Variants in GASK1B observed in about 807,000 individuals in gnomAD.
The protein encoded by GASK1B is golgi associated kinase 1B, also known as Golgi-associated kinase 1B.
A neutral mutation model predicts 42.8 loss-of-function variants in GASK1B; 34 were observed. The ratio of observed to expected loss-of-function variants is 0.79; its 90% CI spans 0.60 to 1.06. The LOEUF is 1.06. GASK1B is among the 50% of genes least tolerant of loss of function. The pLI, the probability that GASK1B is intolerant of heterozygous loss-of-function variation, is 0.00. For synonymous variants in GASK1B, 262 were observed against 259.1 expected (o/e 1.01, Z -0.11); for missense variants, 686 against 661.0 (o/e 1.04, Z -0.42).
chr4:158,143,294 G>A (rs972057472), intron 3 of GASK1B, among the ~76,000 whole-genome samples: 8 of 152,112 alleles, frequency 5.3e-5, no homozygotes, highest in African/African-American at 1.2e-4. Flanking sequence ...ATAATATCCC[G>A]TCTTCTTTTG....
At chr4:158,145,681 G>T (rs1246199013) in intron 3 of GASK1B, among the ~76,000 whole-genome samples, 1 of 151,978 alleles carries the variant, frequency 6.6e-6, no homozygotes, top group Non-Finnish European at 1.5e-5. Flanking sequence ...GCTATATTCT[G>T]CTGTGATTAT....
intron 3 of GASK1B, among the ~76,000 whole-genome samples, chr4:158,142,195 C>G (rs1257792810): frequency 2.0e-5 from 3 of 151,510 alleles, no homozygotes; most frequent in African/African-American, 7.3e-5. Flanking sequence ...CCACCCGCCT[C>G]GGCCTCCCAA....
intron 3 of GASK1B, among the ~76,000 whole-genome samples, chr4:158,140,228 C>T (rs1731062277): frequency 6.6e-6 from 1 of 152,142 alleles, no homozygotes; most frequent in African/African-American, 2.4e-5. Context: ...GAAAGGCACA[C>T]AAAAACCATG....
chr4:158,149,452 G>A (rs542753218), intron 3 of GASK1B, among the ~76,000 whole-genome samples: 29 of 152,220 alleles, frequency 1.9e-4, no homozygotes, highest in Middle Eastern at 3.4e-3. Flanking sequence ...GACAGGTTCA[G>A]AATTAAAATA....
intron 3 of GASK1B, among the ~76,000 whole-genome samples, chr4:158,141,332 G>T (rs1731107564): frequency 6.6e-6 from 1 of 151,810 alleles, no homozygotes; most frequent in Non-Finnish European, 1.5e-5. Context: ...TAGCTTATGA[G>T]ATACTGGGCC....
intron 3 of GASK1B, among the ~76,000 whole-genome samples, chr4:158,131,440 T>C (rs1329732359): frequency 6.6e-6 from 1 of 152,182 alleles, no homozygotes; most frequent in Non-Finnish European, 1.5e-5. Flanking sequence ...CCACAAAAAG[T>C]TTATTGCATC....
chr4:158,126,625 T>G lies in GASK1B; in HGVS notation c.*782A>C, dbSNP rs190467402. The G allele has an allele frequency of 7.0e-4, 106 of 152,248 alleles. No individual in the cohort carries two copies. Among genetic ancestry groups the G allele is most frequent in the African/African-American group, 2.5e-3 (105 of 41,568 alleles). 9.4% of individuals were successfully genotyped at this position (152,248 alleles called of 1,614,324 possible). On this transcript the variant is annotated 3_prime_UTR_variant, in exon 5 of 5. Coordinates refer to ENST00000585682, the MANE Select transcript of GASK1B (RefSeq NM_001128424.2). ...TAAAATGATACTCTGTAAGTACATT[T>G]TCAGATAGGTAACTTCATACTTTAG... is the stretch of plus-strand genomic sequence containing the variant.
At chr4:158,131,643 T>C (rs1200982945) in intron 3 of GASK1B, among the ~76,000 whole-genome samples, 2 of 152,318 alleles carry the variant, frequency 1.3e-5, no homozygotes, top group African/African-American at 4.8e-5. Flanking sequence ...TACCACCCTA[T>C]AGAAGAGGGT....
chr4:158,170,201 T>C, intron 2 of GASK1B: 1 of 1,599,454 alleles, frequency 6.3e-7, no homozygotes, highest in Non-Finnish European at 8.5e-7. Context: ...CACTGGGAAG[T>C]GAAGCGAGGG....
chr4:158,170,319 G>T (rs1560795627), intron 2 of GASK1B, 147 bp downstream of exon 2: 1 of 1,614,242 alleles, frequency 6.2e-7, no homozygotes, highest in Non-Finnish European at 8.5e-7. Context: ...AGAATGCCAA[G>T]CGCATGGAAA....
chr4:158,125,296 G>A lies in GASK1B; in HGVS notation c.*2111C>T, dbSNP rs530008960. 4.6e-5 allele frequency: 7 copies of A among 152,254 alleles called. No individual in the cohort carries two copies. The highest frequency in any genetic ancestry group is 1.4e-4 in the African/African-American group (6 of 41,558). 9.4% of individuals were successfully genotyped at this position (152,254 alleles called of 1,614,324 possible). A position where few individuals can be genotyped will look rare whatever the true frequency, so the allele number is the denominator to read the frequency against. ...CAAATAAACAAAGTTAAACCCTCAC[G>A]TGGGAAGACCAGGCTGCCCAACAGC... is the stretch of plus-strand genomic sequence containing the variant. On this transcript the variant is annotated 3_prime_UTR_variant, in exon 5 of 5. Coordinates refer to ENST00000585682, the MANE Select transcript of GASK1B (RefSeq NM_001128424.2).
chr4:158,169,102 A>C (rs1732348305), intron 2 of GASK1B: 1 of 152,176 alleles, frequency 6.6e-6, no homozygotes, highest in Non-Finnish European at 1.5e-5. Context: ...CAATTTTCTC[A>C]TCTACTAAAT....
At chr4:158,167,858 C>T (rs1433608826) in intron 2 of GASK1B, among the ~76,000 whole-genome samples, 1 of 152,066 alleles carries the variant, frequency 6.6e-6, no homozygotes, top group African/African-American at 2.4e-5. Context: ...AATAGCAGTG[C>T]CCTAGAAGAA....
Position 158,130,857 on chromosome 4 carries a change from A to G in GASK1B, c.1281T>C (p.Phe427=). Residue 427 remains phenylalanine, a synonymous_variant, in exon 4 of 5, where the codon TTT becomes TTC. Coordinates refer to ENST00000585682, the MANE Select transcript of GASK1B (RefSeq NM_001128424.2). ...TGTCAAAGAAACCCTTGTTGTCTAT[A>G]AAAACCAAATGCCTTGGGTCATGCT... ...QRKHDPRHLV[F]IDNKGFFDRS... is the part of the protein sequence containing the mutation. 1 of 1,614,050 alleles carries G rather than the reference A, an allele frequency of 6.2e-7. No individual in the cohort carries two copies. The highest frequency in any genetic ancestry group is 8.5e-7 in the Non-Finnish European group (1 of 1,179,976).
intron 3 of GASK1B, among the ~76,000 whole-genome samples, chr4:158,138,797 T>C (rs76302379): frequency 0.02 from 3,062 of 152,252 alleles, 103 homozygotes; most frequent in African/African-American, 0.068. Context: ...CAAAAATCAG[T>C]TCTCTTTTGA....
At chr4:158,170,303 A>G in intron 2 of GASK1B, 163 bp downstream of exon 2, 1 of 1,614,284 alleles carries the variant, frequency 6.2e-7, no homozygotes, top group Non-Finnish European at 8.5e-7. Context: ...CAGGCTGGGA[A>G]AATAAAGAAT....
intron 4 of GASK1B, among the ~76,000 whole-genome samples, chr4:158,129,134 A>G (rs906120505): frequency 2.6e-5 from 4 of 152,206 alleles, no homozygotes; most frequent in Non-Finnish European, 5.9e-5. Flanking sequence ...TGTGAATTAT[A>G]TTTTCAAAGA....
chr4:158,167,092 C>T (rs1483781548), intron 2 of GASK1B: 1 of 152,166 alleles, frequency 6.6e-6, no homozygotes, highest in South Asian at 2.1e-4. Context: ...AGACTAACCA[C>T]TTTCTTGGTG....
intron 4 of GASK1B, among the ~76,000 whole-genome samples, chr4:158,129,220 T>G (rs1037779514): frequency 6.6e-6 from 1 of 152,196 alleles, no homozygotes; most frequent in African/African-American, 2.4e-5. Flanking sequence ...AATAAAGATA[T>G]TCACATTTAC....
Sources: gnomAD v4.1 joint callset for allele counts (sites outside exome capture counted in the v4.1 genomes callset) on GRCh38, gnomAD v4.1.1 for gene constraint, MANE v1.5 for transcripts, NCBI Gene and HGNC (gene_info 2026-07-23, HGNC 2026-07-21) for gene names.